Variants in ADAMTSL1 observed in about 807,000 individuals in gnomAD.
The protein encoded by ADAMTSL1 is ADAMTS-like protein 1.
Under a neutral mutation model 201.8 loss-of-function variants are expected in ADAMTSL1, and 126 were observed. That is an observed-to-expected ratio of 0.62 (90% CI 0.54 to 0.72). ADAMTSL1 has a LOEUF of 0.72. Among genes scored for constraint, ADAMTSL1 ranks in the 30% least tolerant of loss-of-function variants. ADAMTSL1 has a pLI of 0.00. For missense variants in ADAMTSL1, 2,679 were observed against 2,277.8 expected (o/e 1.18, Z -3.59); for synonymous variants, 1,121 against 903.4 (o/e 1.24, Z -4.32).
chr9:17,925,924 T>C (rs1350450377), intron 1 of ADAMTSL1, among the ~76,000 whole-genome samples: 2 of 152,028 alleles, frequency 1.3e-5, no homozygotes, highest in Non-Finnish European at 2.9e-5. Context: ...GAATACGTGC[T>C]GCTCAATACC....
chr9:18,352,334 T>A (rs1035326922), intron 2 of ADAMTSL1, among the ~76,000 whole-genome samples: 8 of 152,334 alleles, frequency 5.3e-5, no homozygotes, highest in African/African-American at 1.9e-4. Flanking sequence ...ACTGTAAGAT[T>A]TGGAAATGAT....
chr9:18,800,275 G>T (rs1822701826), intron 20 of ADAMTSL1, among the ~76,000 whole-genome samples: 1 of 150,618 alleles, frequency 6.6e-6, no homozygotes. Flanking sequence ...TACTCAGAAG[G>T]CTGAGGCAGG....
intron 2 of ADAMTSL1, among the ~76,000 whole-genome samples, chr9:18,369,995 G>T (rs1216760835): frequency 1.3e-5 from 2 of 152,082 alleles, no homozygotes; most frequent in South Asian, 2.1e-4. Flanking sequence ...AATAGATACT[G>T]GGGGCTGGAC....
At chr9:18,028,475 T>G (rs1435413493) in intron 1 of ADAMTSL1, among the ~76,000 whole-genome samples, 1 of 152,128 alleles carries the variant, frequency 6.6e-6, no homozygotes, top group East Asian at 1.9e-4. Flanking sequence ...AGGTTTCTGC[T>G]CAGAAATCCT....
chr9:18,673,083 G>T (rs1348386445), intron 9 of ADAMTSL1, among the ~76,000 whole-genome samples: 1 of 151,916 alleles, frequency 6.6e-6, no homozygotes, highest in East Asian at 1.9e-4. Context: ...AATCATTTTT[G>T]CCTCCTTCAC....
rs139373146 is a variant in ADAMTSL1 at position 18,077,235 on chromosome 9, G to A, written c.88-86627G>A. 8.6e-3 allele frequency among the ~76,000 whole-genome samples: 1,302 copies of A among 152,236 alleles called. 28 individuals carry two copies. Among genetic ancestry groups the A allele is most frequent in the African/African-American group, 0.03 (1,232 of 41,510 alleles). ...AAATTTGGCCTGGAAATATAATGTG[G>A]TAGTTATCACTATACAAATGGCATT... On this transcript the variant is annotated intron_variant, in intron 1 of 29. Coordinates refer to the ADAMTSL1 transcript ENST00000680146.
intron 1 of ADAMTSL1, among the ~76,000 whole-genome samples, chr9:18,082,146 A>T (rs1038539371): frequency 1.1e-4 from 17 of 152,274 alleles, no homozygotes; most frequent in African/African-American, 4.1e-4. Context: ...TTGTATTCAC[A>T]TTTTTTTGGA....
At chr9:18,636,654 A>G (rs546422477) in intron 6 of ADAMTSL1, among the ~76,000 whole-genome samples, 27 of 152,174 alleles carry the variant, frequency 1.8e-4, no homozygotes, top group Non-Finnish European at 3.4e-4. Flanking sequence ...TTGATCTTCA[A>G]TCATGCCAAG....
intron 4 of ADAMTSL1, among the ~76,000 whole-genome samples, chr9:18,591,756 C>A (rs1338335144): frequency 6.6e-6 from 1 of 152,080 alleles, no homozygotes. Context: ...TACATTTTGG[C>A]CAATGAGAAA....
At chr9:18,536,051 A>G (rs1351535998) in intron 3 of ADAMTSL1, among the ~76,000 whole-genome samples, 2 of 152,172 alleles carry the variant, frequency 1.3e-5, no homozygotes, top group East Asian at 3.8e-4. Flanking sequence ...GAATTTTTTT[A>G]ATGAGAATCT....
chr9:18,439,573 G>A lies in ADAMTSL1; in HGVS notation c.208-65256G>A, dbSNP rs190772605. Among the ~76,000 whole-genome samples, 188 of 152,228 alleles carry A rather than the reference G, an allele frequency of 1.2e-3. 1 individual carries two copies. The highest frequency in any genetic ancestry group is 4.3e-3 in the African/African-American group (179 of 41,528). The stretch of plus-strand genomic sequence containing the variant: ...GTAGAGACGGGATTTCACCATGTTC[G>A]CCAGGATGGTCTCGATCTCCTGACC... On this transcript the variant is annotated intron_variant, in intron 2 of 29. Coordinates refer to the ADAMTSL1 transcript ENST00000680146.
chr9:18,708,305 G>A (rs993564421), intron 14 of ADAMTSL1, among the ~76,000 whole-genome samples: 1 of 152,214 alleles, frequency 6.6e-6, no homozygotes, highest in Non-Finnish European at 1.5e-5. Context: ...CTTTTAGTAA[G>A]CATTTAATAG....
intron 4 of ADAMTSL1, among the ~76,000 whole-genome samples, chr9:18,605,819 G>A (rs1824975244): frequency 6.6e-6 from 1 of 152,182 alleles, no homozygotes; most frequent in Non-Finnish European, 1.5e-5. Context: ...ACTGAAAGGG[G>A]TCAAAGCTGA....
chr9:18,100,182 G>A (rs1054942452), intron 1 of ADAMTSL1, among the ~76,000 whole-genome samples: 1 of 152,056 alleles, frequency 6.6e-6, no homozygotes. Flanking sequence ...TTGTCTGTAG[G>A]AACATCAGCT....
intron 3 of ADAMTSL1, among the ~76,000 whole-genome samples, chr9:18,534,555 T>C (rs1332405581): frequency 1.3e-5 from 2 of 152,230 alleles, no homozygotes; most frequent in African/African-American, 4.8e-5. Context: ...TGCCGATCCC[T>C]CTGTTGAAGA....
At chr9:18,101,388 C>G (rs1473077600) in intron 1 of ADAMTSL1, among the ~76,000 whole-genome samples, 1 of 151,830 alleles carries the variant, frequency 6.6e-6, no homozygotes, top group Non-Finnish European at 1.5e-5. Flanking sequence ...ATCCCAGCTA[C>G]TCAGGTGTCT....
At chr9:18,375,177 C>T (rs544450474) in intron 2 of ADAMTSL1, among the ~76,000 whole-genome samples, 4 of 152,140 alleles carry the variant, frequency 2.6e-5, no homozygotes, top group East Asian at 1.9e-4. Context: ...TCCTCAGTTC[C>T]GCATTAGGAG....
rs934809157 is a variant in ADAMTSL1 at position 18,149,682 on chromosome 9, C to T, written c.88-14180C>T. On this transcript the variant is annotated intron_variant, in intron 1 of 29. Transcript: ENST00000680146. Reference sequence around the variant, plus strand: ...AGAAGTGAAGAGTTGACACATGTCACGCCAGAGAGATGTGATTGGCACTGT... The same window carrying T: ...AGAAGTGAAGAGTTGACACATGTCATGCCAGAGAGATGTGATTGGCACTGT... Among the ~76,000 whole-genome samples, 8 of 152,142 alleles carry T rather than the reference C, an allele frequency of 5.3e-5. No individual in the cohort carries two copies. The East Asian group carries it at 5.8e-4, about 11-fold the overall frequency.
intron 2 of ADAMTSL1, among the ~76,000 whole-genome samples, chr9:18,519,399 C>G (rs1185322021): frequency 1.3e-5 from 2 of 152,158 alleles, no homozygotes; most frequent in Admixed American, 1.3e-4. Flanking sequence ...CTCCTTTCTC[C>G]CATCACATTC....
Sources: gnomAD v4.1 joint callset for allele counts (sites outside exome capture counted in the v4.1 genomes callset) on GRCh38, gnomAD v4.1.1 for gene constraint, MANE v1.5 for transcripts, NCBI Gene and HGNC (gene_info 2026-07-23, HGNC 2026-07-21) for gene names.